Variants in CLCN5 observed in about 807,000 individuals in gnomAD.
The protein encoded by CLCN5 is Cl-/H+ antiporter 5.
A neutral mutation model predicts 54.0 loss-of-function variants in CLCN5; 17 were observed. That is an observed-to-expected ratio of 0.31 (90% CI 0.22 to 0.47). The LOEUF is 0.47. CLCN5 is among the 20% of genes least tolerant of loss of function. The probability of loss-of-function intolerance (pLI) is 1.00; values close to 1 mark genes in which losing one functional copy is unlikely to be tolerated. For synonymous variants in CLCN5, 222 were observed against 233.0 expected (o/e 0.95, Z 0.43); for missense variants, 448 against 646.7 (o/e 0.69, Z 3.33).
intron 3 of CLCN5, among the ~76,000 whole-genome samples, chrX:49,982,113 GA>G (rs1283239303): frequency 1.5e-4 from 16 of 105,264 alleles, no homozygotes; most frequent in East Asian, 8.8e-4. Context: ...GCATTTAGGG[GA>G]AAAAAAAAAC....
intron 3 of CLCN5, among the ~76,000 whole-genome samples, chrX:49,965,631 C>T (rs1672522129): frequency 9.0e-6 from 1 of 111,625 alleles, no homozygotes. Flanking sequence ...ATCCCACTGG[C>T]TAGAACCTCC....
chrX:49,945,055 T>C (rs1557171709), intron 3 of CLCN5, among the ~76,000 whole-genome samples: 1 of 111,960 alleles, frequency 8.9e-6, no homozygotes, highest in East Asian at 2.8e-4. Context: ...AACTTTCTTA[T>C]ATGTTTATGT....
At chrX:50,002,631 C>T (rs1929895593) in intron 3 of CLCN5, among the ~76,000 whole-genome samples, 1 of 109,635 alleles carries the variant, frequency 9.1e-6, no homozygotes, top group South Asian at 3.9e-4. Context: ...GTCTGTCTGT[C>T]TGTCTGTCTC....
intron 3 of CLCN5, among the ~76,000 whole-genome samples, chrX:49,933,884 A>T (rs1330446867): frequency 8.9e-6 from 1 of 111,791 alleles, no homozygotes; most frequent in African/African-American, 3.2e-5. Flanking sequence ...TGAAAAATAA[A>T]ATTAGGTATA....
chrX:50,025,562 T>C (rs1032268536), intron 3 of CLCN5, among the ~76,000 whole-genome samples: 8 of 112,310 alleles, frequency 7.1e-5, no homozygotes, highest in Non-Finnish European at 1.1e-4. Flanking sequence ...CAACATGCCT[T>C]AACTTTCTGC....
At chrX:49,956,804 T>G (rs1206350147) in intron 3 of CLCN5, among the ~76,000 whole-genome samples, 1 of 112,180 alleles carries the variant, frequency 8.9e-6, no homozygotes, top group Non-Finnish European at 1.9e-5. Flanking sequence ...CTGCATACTT[T>G]GCGTTCCTTC....
At position 50,001,546 on chromosome X, in the gene CLCN5, A is replaced by G. The variant is rs952739827; in HGVS notation, c.17-40770A>G. Among the ~76,000 whole-genome samples the G allele has an allele frequency of 3.7e-5, 4 of 108,085 alleles. No individual in the cohort carries two copies. In the East Asian group the frequency reaches 1.2e-3, roughly 33 times the overall value. The allele number at this position is 108,085 out of a possible 115,157, so 93.9% of individuals were successfully genotyped here. Reference sequence around the variant, plus strand: ...TTTGTTACATATGCATACATGTGCCATGTTGGTGTGCTGCACCCGTTAACT... The same window carrying G: ...TTTGTTACATATGCATACATGTGCCGTGTTGGTGTGCTGCACCCGTTAACT... On this transcript the variant is annotated intron_variant, in intron 3 of 14. Transcript: ENST00000376091.
Position 49,971,215 on chromosome X carries a change from T to C in CLCN5, c.16+45901T>C, listed in dbSNP as rs181667059. Among the ~76,000 whole-genome samples the C allele has an allele frequency of 4.6e-4, 48 of 103,483 alleles. No individual in the cohort carries two copies. The East Asian group carries it at 0.012, about 26-fold the overall frequency. 89.9% of individuals were successfully genotyped at this position (103,483 alleles called of 115,157 possible). ...AGTTTTTTGGTGAATGCCTTAGGAA[T>C]ATATATATATATAAATATATATTTA... is the stretch of plus-strand genomic sequence containing the variant. On this transcript the variant is annotated intron_variant, in intron 3 of 14. Transcript: ENST00000376091.
chrX:49,955,687 A>G (rs782352201), intron 3 of CLCN5, among the ~76,000 whole-genome samples: 3 of 111,734 alleles, frequency 2.7e-5, no homozygotes, highest in Non-Finnish European at 5.6e-5. Flanking sequence ...GACTTTCAAC[A>G]TGGCACGATT....
chrX:49,973,498 C>T (rs782160697), intron 3 of CLCN5, among the ~76,000 whole-genome samples: 2 of 106,884 alleles, frequency 1.9e-5, no homozygotes, highest in Non-Finnish European at 3.8e-5. Flanking sequence ...CTAATGCTAT[C>T]CCTCCCCACT....
At chrX:50,056,090 G>A (rs1399887344) in intron 4 of CLCN5, among the ~76,000 whole-genome samples, 1 of 108,668 alleles carries the variant, frequency 9.2e-6, no homozygotes, top group Non-Finnish European at 1.9e-5. Context: ...TTATTTTTCT[G>A]TCCATGACAT....
At chrX:49,944,855 C>G (rs1926603407) in intron 3 of CLCN5, among the ~76,000 whole-genome samples, 1 of 111,410 alleles carries the variant, frequency 9.0e-6, no homozygotes, top group African/African-American at 3.3e-5. Context: ...GGATATTGGT[C>G]TAAAATACAC....
chrX:50,002,729 G>A (rs1929929776), intron 3 of CLCN5, among the ~76,000 whole-genome samples: 1 of 106,616 alleles, frequency 9.4e-6, no homozygotes, highest in South Asian at 4.2e-4. Context: ...TGTGTGTGTG[G>A]ACACAAAGTG....
At position 50,077,812 on chromosome X, in the gene CLCN5, C is replaced by CAAA. The variant is rs35768604; in HGVS notation, c.603+1865_603+1867dup. ...CCAACATGGTGAAACCCTGTCTCTA[C>CAAA]AAAAAAAAAAAAAAAAAAAAAAAAA... On this transcript the variant is annotated intron_variant, in intron 7 of 14. Transcript: ENST00000376091. Among the ~76,000 whole-genome samples the CAAA allele has an allele frequency of 1.1e-3, 25 of 22,332 alleles. 6 individuals are homozygous for CAAA. Among genetic ancestry groups the CAAA allele is most frequent in the Non-Finnish European group, 1.4e-3 (21 of 14,603 alleles). 19.4% of individuals were successfully genotyped at this position (22,332 alleles called of 115,157 possible).
chrX:50,069,849 G>C, intron 4 of CLCN5, 30 bp from the exon 5 acceptor site: 1 of 1,171,846 alleles, frequency 8.5e-7, no homozygotes, highest in Non-Finnish European at 1.1e-6. Flanking sequence ...AATTTCTGAA[G>C]TACTAATGTC....
At chrX:50,014,467 A>T (rs1471874642) in intron 3 of CLCN5, 1 of 253,509 alleles carries the variant, frequency 3.9e-6, no homozygotes, top group East Asian at 1.6e-4. Context: ...GGGCCACAAC[A>T]TGGGACTTCT....
intron 3 of CLCN5, among the ~76,000 whole-genome samples, chrX:50,041,296 G>T (rs1012569947): frequency 9.0e-6 from 1 of 111,661 alleles, no homozygotes; most frequent in East Asian, 2.8e-4. Flanking sequence ...TATGATTTTT[G>T]ACTAAGATTT....
In CLCN5 at chrX:50,090,378, T is replaced by C. The variant is rs781994924; in HGVS notation, c.2007T>C (p.Thr669=). 27 of 1,209,931 alleles carry C rather than the reference T, an allele frequency of 2.2e-5. No individual in the cohort carries two copies. The highest frequency in any genetic ancestry group is 2.8e-5 in the Non-Finnish European group (25 of 895,138). ...RRNDPLLTVL[T]QDSMTVEDVE... Reference sequence around the variant, plus strand: ...ATGATCCTTTGTTGACTGTCCTTACTCAGGACAGTATGACTGTGGAAGATG... The same window carrying C: ...ATGATCCTTTGTTGACTGTCCTTACCCAGGACAGTATGACTGTGGAAGATG... Residue 669 remains threonine, a synonymous_variant, in exon 13 of 15, where the codon ACT becomes ACC. Transcript: ENST00000376091.
chrX:50,004,339 T>G (rs58583299), intron 3 of CLCN5, among the ~76,000 whole-genome samples: 16,759 of 110,904 alleles, frequency 0.15, 3,150 homozygotes, highest in African/African-American at 0.53. Flanking sequence ...GTGCCAATTG[T>G]TGATAAGTGC....
Sources: gnomAD v4.1 joint callset for allele counts (sites outside exome capture counted in the v4.1 genomes callset) on GRCh38, gnomAD v4.1.1 for gene constraint, MANE v1.5 for transcripts, NCBI Gene and HGNC (gene_info 2026-07-23, HGNC 2026-07-21) for gene names.